FOCAD: variants seen among roughly 807,000 people sequenced by gnomAD.
FOCAD encodes the protein KIAA1797.
In FOCAD, 198 loss-of-function variants were observed where a neutral mutation model predicts 225.6. The ratio of observed to expected loss-of-function variants is 0.88; its 90% CI spans 0.78 to 0.99. The LOEUF is 0.99. FOCAD is among the 50% of genes least tolerant of loss of function. The probability of loss-of-function intolerance (pLI) is 0.00; values close to 1 mark genes in which losing one functional copy is unlikely to be tolerated. For missense variants in FOCAD, 2,713 were observed against 2,123.6 expected, an observed-to-expected ratio of 1.28 and a Z score of -5.46; for synonymous variants, 897 against 755.0, an observed-to-expected ratio of 1.19 and a Z score of -3.08.
At chr9:20,823,614 A>G (rs1484303794) in intron 15 of FOCAD, among the ~76,000 whole-genome samples, 1 of 152,104 alleles carries the variant, frequency 6.6e-6, no homozygotes, top group African/African-American at 2.4e-5. Context: ...CTGTTCCCAG[A>G]ATTATAACAC....
chr9:20,792,804 A>G (rs1176641866), intron 11 of FOCAD, among the ~76,000 whole-genome samples: 2 of 152,188 alleles, frequency 1.3e-5, no homozygotes, highest in Non-Finnish European at 2.9e-5. Flanking sequence ...TTCATGGGCC[A>G]TGACTTGCTG....
chr9:20,823,481 C>A (rs935997921), intron 15 of FOCAD, among the ~76,000 whole-genome samples: 1 of 151,936 alleles, frequency 6.6e-6, no homozygotes, highest in Non-Finnish European at 1.5e-5. Flanking sequence ...AAGAAATTGT[C>A]GTTGGCCAGT....
chr9:20,701,089 C>A lies in FOCAD; in HGVS notation c.-32-14233C>A, dbSNP rs530393881. ...AGGAGTGATTATAACCCTCTCAGAGCTGGAAGGGACATTAGAGACTGATCT... is the reference window on the plus strand; with the variant it reads ...AGGAGTGATTATAACCCTCTCAGAGATGGAAGGGACATTAGAGACTGATCT... On this transcript the variant is annotated intron_variant, in intron 1 of 43. Coordinates refer to ENST00000338382, the MANE Select transcript of FOCAD (RefSeq NM_001375567.1). Among the ~76,000 whole-genome samples, 40 of 152,280 alleles carry A rather than the reference C, an allele frequency of 2.6e-4. 1 individual carries two copies. Among genetic ancestry groups the A allele is most frequent in the Non-Finnish European group, 4.7e-4 (32 of 68,026 alleles).
chr9:20,727,347 T>C (rs903279507), intron 4 of FOCAD, among the ~76,000 whole-genome samples: 8 of 152,148 alleles, frequency 5.3e-5, no homozygotes, highest in Admixed American at 6.5e-5. Context: ...TGTAGAGTCA[T>C]GTATTTATGC....
chr9:20,983,294 C>G (rs13292487), intron 39 of FOCAD, among the ~76,000 whole-genome samples: 29,638 of 152,076 alleles, frequency 0.19, 3,475 homozygotes, highest in South Asian at 0.32. Flanking sequence ...ATATTTGGGG[C>G]CAGGTGCGGT....
intron 13 of FOCAD, 27 bp downstream of exon 13, chr9:20,820,452 G>A (rs761421708): frequency 1.2e-5 from 18 of 1,563,386 alleles, no homozygotes; most frequent in Admixed American, 3.4e-5. Context: ...ACTTGCATGA[G>A]TATTAAATAT....
At chr9:20,898,712 T>A (rs1832312623) in intron 21 of FOCAD, among the ~76,000 whole-genome samples, 1 of 151,994 alleles carries the variant, frequency 6.6e-6, no homozygotes, top group Non-Finnish European at 1.5e-5. Context: ...TCCCTGCTTA[T>A]CCTTACTTGG....
At chr9:20,947,678 A>G (rs1347569912) in intron 30 of FOCAD, among the ~76,000 whole-genome samples, 1 of 151,854 alleles carries the variant, frequency 6.6e-6, no homozygotes, top group East Asian at 1.9e-4. Context: ...AAAAAAACTG[A>G]AAAAAAACAT....
intron 35 of FOCAD, among the ~76,000 whole-genome samples, chr9:20,963,110 G>T (rs1838913351): frequency 6.6e-6 from 1 of 152,092 alleles, no homozygotes; most frequent in Admixed American, 6.6e-5. Flanking sequence ...GTCTGAATCA[G>T]TTCCCTACAA....
chr9:20,868,496 C>T (rs1829481196), intron 18 of FOCAD, among the ~76,000 whole-genome samples: 1 of 152,026 alleles, frequency 6.6e-6, no homozygotes, highest in East Asian at 1.9e-4. Flanking sequence ...AAGTGCTATA[C>T]TCAGCCAAGT....
intron 25 of FOCAD, among the ~76,000 whole-genome samples, chr9:20,925,026 A>G (rs1197891413): frequency 6.6e-6 from 1 of 152,208 alleles, no homozygotes; most frequent in African/African-American, 2.4e-5. Context: ...ACTACCAGTA[A>G]ACAGAGAATA....
In FOCAD at chr9:20,985,506, A is replaced by T. The variant is rs986423792; in HGVS notation, c.4729-782A>T. On this transcript the variant is annotated intron_variant, in intron 39 of 43. Transcript: ENST00000338382. The stretch of plus-strand genomic sequence containing the variant: ...TGACAGGTTCATTTCCTTCAGTTTC[A>T]AGAAAATAATCTGTCAAATACCCAG... Among the ~76,000 whole-genome samples, 17 of 152,342 alleles carry T rather than the reference A, an allele frequency of 1.1e-4. No homozygotes were observed. In the East Asian group the frequency reaches 3.3e-3, roughly 29 times the overall value.
chr9:20,894,971 T>C (rs1432134272), intron 21 of FOCAD, among the ~76,000 whole-genome samples: 1 of 152,112 alleles, frequency 6.6e-6, no homozygotes, highest in Non-Finnish European at 1.5e-5. Context: ...TACGTTGATA[T>C]CTATAATCTA....
At chr9:20,767,963 A>C (rs1179534646) in intron 7 of FOCAD, among the ~76,000 whole-genome samples, 9 of 152,120 alleles carry the variant, frequency 5.9e-5, no homozygotes, top group Admixed American at 4.6e-4. Flanking sequence ...TTTTATGTCT[A>C]ATGTTTAAGT....
At chr9:20,753,495 T>C (rs945970578) in intron 5 of FOCAD, among the ~76,000 whole-genome samples, 4 of 152,044 alleles carry the variant, frequency 2.6e-5, no homozygotes, top group African/African-American at 9.7e-5. Flanking sequence ...CAGCCTTTCA[T>C]CCCAGGGATG....
intron 31 of FOCAD, 67 bp from the exon 32 acceptor site, chr9:20,948,784 G>C (rs1229783737): frequency 9.7e-6 from 15 of 1,551,032 alleles, no homozygotes; most frequent in Non-Finnish European, 1.2e-5. Context: ...CGTGTCCTCA[G>C]AAGTTTTATA....
At chr9:20,909,432 G>A (rs113830139) in intron 22 of FOCAD, among the ~76,000 whole-genome samples, 1 of 151,974 alleles carries the variant, frequency 6.6e-6, no homozygotes, top group African/African-American at 2.4e-5. Flanking sequence ...GTTATTAATT[G>A]TTATAATGAA....
At chr9:20,947,799 C>T (rs1837321975) in intron 30 of FOCAD, among the ~76,000 whole-genome samples, 1 of 152,142 alleles carries the variant, frequency 6.6e-6, no homozygotes, top group South Asian at 2.1e-4. Flanking sequence ...TGGTTTTAAG[C>T]TCGTAATGTT....
rs1820290499 is a variant in FOCAD, at chr9:20,789,440, T to A, written c.1287T>A (p.Ser429=). The A allele has an allele frequency of 6.2e-7, 1 of 1,613,986 alleles. No individual in the cohort carries two copies. Among genetic ancestry groups the A allele is most frequent in the African/African-American group, 1.3e-5 (1 of 74,926 alleles). Residue 429 remains serine, a synonymous_variant, in exon 11 of 44, where the codon TCT becomes TCA. Transcript: ENST00000338382. ...TTCTTGAAGTAATGACAGACTCGTC[T>A]GCTGCAAGTGACTGGTTGGCTTCAG... ...WRILEVMTDS[S]AASDWLASVE... is the part of the protein sequence containing the mutation.
Sources: allele counts gnomAD v4.1 joint callset (sites outside exome capture counted in the v4.1 genomes callset), GRCh38; gene constraint gnomAD v4.1.1; transcripts MANE v1.5; gene names NCBI Gene and HGNC (gene_info 2026-07-23, HGNC 2026-07-21).